VPS50: variants seen among roughly 807,000 people sequenced by gnomAD.
VPS50 encodes VPS50 subunit of EARP/GARPII complex.
Under a neutral mutation model 139.7 loss-of-function variants are expected in VPS50, and 70 were observed. The observed-to-expected ratio is 0.50, with a 90% CI of 0.41 to 0.61. VPS50 has a LOEUF of 0.61. Ranked by LOEUF, VPS50 falls within the 20% of genes least tolerant of loss-of-function variation. The pLI is 0.00. For missense variants in VPS50, 921 were observed against 1,133.7 expected, an observed-to-expected ratio of 0.81 and a Z score of 2.69; for synonymous variants, 365 against 376.7, an observed-to-expected ratio of 0.97 and a Z score of 0.36.
rs1796838103 is a variant in VPS50, at chr7:93,297,255, A to G, written c.1361+12A>G. On this transcript the variant is annotated intron_variant, in intron 16 of 27. Coordinates refer to ENST00000305866, the MANE Select transcript of VPS50 (RefSeq NM_017667.4). Reference sequence around the variant, plus strand: ...AAGAATTACCATAGGTAAGAACTCTAATAAGATATGAATCGACTTATTTAG... The same window carrying G: ...AAGAATTACCATAGGTAAGAACTCTGATAAGATATGAATCGACTTATTTAG... 6.5e-7 allele frequency: 1 copy of G among 1,528,896 alleles called. No homozygotes were observed. Among genetic ancestry groups the G allele is most frequent in the Non-Finnish European group, 8.7e-7 (1 of 1,151,476 alleles). The allele number at this position is 1,528,896 out of a possible 1,614,324, so 94.7% of individuals were successfully genotyped here.
chr7:93,355,815 A>G, intron 26 of VPS50, 76 bp from the exon 27 acceptor site: 2 of 817,670 alleles, frequency 2.4e-6, no homozygotes, highest in Non-Finnish European at 3.7e-6. Flanking sequence ...TAGGTTAGAG[A>G]AAACTTCAAA....
chr7:93,332,429 G>T (rs1036458001), intron 21 of VPS50, among the ~76,000 whole-genome samples: 11 of 152,130 alleles, frequency 7.2e-5, no homozygotes, highest in African/African-American at 2.7e-4. Flanking sequence ...TCACATTAAG[G>T]GTTAGGGTGT....
At chr7:93,318,985 A>G (rs1252856428) in intron 20 of VPS50, among the ~76,000 whole-genome samples, 1 of 152,210 alleles carries the variant, frequency 6.6e-6, no homozygotes, top group Non-Finnish European at 1.5e-5. Context: ...AAGCAAGAGG[A>G]AAAATGATAC....
intron 22 of VPS50, among the ~76,000 whole-genome samples, chr7:93,336,251 AG>A (rs1309976529): frequency 1.3e-5 from 2 of 152,198 alleles, no homozygotes; most frequent in African/African-American, 4.8e-5. Context: ...AGATATTCTA[AG>A]TTTTACTTCT....
At chr7:93,288,631 C>G (rs1398801657) in intron 12 of VPS50, among the ~76,000 whole-genome samples, 14 of 152,118 alleles carry the variant, frequency 9.2e-5, no homozygotes, top group Non-Finnish European at 1.5e-5. Flanking sequence ...GCCTTGCCAA[C>G]AGAGCATATA....
intron 12 of VPS50, among the ~76,000 whole-genome samples, chr7:93,291,079 G>A (rs1298508667): frequency 1.3e-5 from 2 of 151,966 alleles, no homozygotes; most frequent in South Asian, 2.1e-4. Flanking sequence ...AAAATAAAAG[G>A]GCAGAATGGC....
intron 2 of VPS50, among the ~76,000 whole-genome samples, chr7:93,243,303 C>T (rs1272545119): frequency 6.6e-6 from 1 of 151,932 alleles, no homozygotes; most frequent in Non-Finnish European, 1.5e-5. Flanking sequence ...CTTTGCTGTA[C>T]ATTTAGAATC....
At chr7:93,262,530 G>C (rs975533041) in intron 9 of VPS50, among the ~76,000 whole-genome samples, 1 of 152,224 alleles carries the variant, frequency 6.6e-6, no homozygotes, top group Non-Finnish European at 1.5e-5. Context: ...TCATGCATGT[G>C]ATAATAAGAA....
At position 93,252,707 on chromosome 7, in the gene VPS50, C is replaced by A; in HGVS notation, c.157C>A (p.Leu53Ile). The change falls in exon 3 of 28, where the codon CTT (leucine) becomes ATT (isoleucine). Residue 53 changes from leucine (L) to isoleucine (I), a missense_variant. This residue lies in a region of VPS50 where 744 missense variants were observed against 930.6 expected (regional missense o/e 0.80). Coordinates refer to ENST00000305866, the MANE Select transcript of VPS50 (RefSeq NM_017667.4). ...QPSDPQAEQELINSIEQVYFS... is the reference protein window; with the variant it reads ...QPSDPQAEQEIINSIEQVYFS... ...AAGTGACCCTCAAGCTGAACAAGAG[C>A]TTATTAATAGTATTGAACAAGTATA... is the stretch of plus-strand genomic sequence containing the variant. 8 of 1,595,118 alleles carry A rather than the reference C, an allele frequency of 5.0e-6. No homozygotes were observed. Among genetic ancestry groups the A allele is most frequent in the South Asian group, 1.1e-5 (1 of 89,792 alleles).
intron 21 of VPS50, among the ~76,000 whole-genome samples, chr7:93,331,521 A>G (rs571049490): frequency 6.6e-5 from 10 of 152,184 alleles, no homozygotes; most frequent in Non-Finnish European, 1.2e-4. Flanking sequence ...GTGTGGGTAC[A>G]CTTGGATATA....
At chr7:93,349,835 T>C (rs1798507439) in intron 24 of VPS50, 40 bp from the exon 25 acceptor site, 2 of 1,543,950 alleles carry the variant, frequency 1.3e-6, no homozygotes, top group Non-Finnish European at 1.8e-6. Flanking sequence ...ATGATACTTT[T>C]AGAAAATAAT....
chr7:93,308,984 G>T, intron 19 of VPS50, 42 bp downstream of exon 19: 1 of 1,061,526 alleles, frequency 9.4e-7, no homozygotes. Context: ...ATTTTATCTT[G>T]TGCTCTTAAC....
chr7:93,271,025 C>A, intron 9 of VPS50, 195 bp from the exon 10 acceptor site: 1 of 728,230 alleles, frequency 1.4e-6, no homozygotes, highest in Non-Finnish European at 1.9e-6. Context: ...AATCCTGTTG[C>A]TGCTGCTAAT....
intron 2 of VPS50, among the ~76,000 whole-genome samples, chr7:93,250,260 CTAATAGGGAA>C (rs537463994): frequency 5.7e-4 from 86 of 151,018 alleles, no homozygotes; most frequent in African/African-American, 2.0e-3. Context: ...CTTGAAATTA[CTAATAGGGAA>C]TAATTTTATA....
intron 12 of VPS50, among the ~76,000 whole-genome samples, chr7:93,279,336 A>G (rs1384367501): frequency 6.6e-6 from 1 of 152,164 alleles, no homozygotes; most frequent in Non-Finnish European, 1.5e-5. Context: ...AGTTTGATGA[A>G]AAGTTGTTAA....
At chr7:93,333,844 C>T (rs529544845) in intron 21 of VPS50, 17 of 365,706 alleles carry the variant, frequency 4.6e-5, no homozygotes, top group Middle Eastern at 7.9e-4. Context: ...AATAATGACT[C>T]GCGAGAAAGA....
intron 5 of VPS50, 63 bp from the exon 6 acceptor site, chr7:93,257,331 T>C (rs1001917377): frequency 2.1e-6 from 2 of 965,330 alleles, no homozygotes; most frequent in Non-Finnish European, 3.3e-6. Flanking sequence ...GTTAGAGTAC[T>C]ATATAAATAA....
chr7:93,275,384 G>T (rs1270223946), intron 11 of VPS50, among the ~76,000 whole-genome samples: 1 of 152,058 alleles, frequency 6.6e-6, no homozygotes, highest in African/African-American at 2.4e-5. Flanking sequence ...CTTCACTGTT[G>T]TCTTTTCAGA....
intron 12 of VPS50, among the ~76,000 whole-genome samples, chr7:93,281,952 C>G (rs923721070): frequency 2.0e-5 from 3 of 152,160 alleles, no homozygotes; most frequent in Admixed American, 6.5e-5. Context: ...CGCCTGTAAT[C>G]CCAGCACTTT....
Sources: gnomAD v4.1 joint callset for allele counts (sites outside exome capture counted in the v4.1 genomes callset) on GRCh38, gnomAD v4.1.1 for gene constraint, gnomAD v4.1.1 regional missense constraint, MANE v1.5 for transcripts, NCBI Gene and HGNC (gene_info 2026-07-23, HGNC 2026-07-21) for gene names.